The following GPC3 variants were observed in gnomAD, a reference collection of about 807,000 sequenced individuals.
GPC3 encodes glypican 3, also known as glypican-3.
In GPC3, 3 loss-of-function variants were observed where a neutral mutation model predicts 34.4. The ratio of observed to expected loss-of-function variants is 0.09; its 90% CI spans 0.04 to 0.23. GPC3 has a LOEUF of 0.23. Ranked by LOEUF, GPC3 falls within the 10% of genes least tolerant of loss-of-function variation. The pLI is 1.00. For synonymous variants in GPC3, 177 were observed against 174.0 expected (o/e 1.02, Z -0.13); for missense variants, 351 against 445.6 (o/e 0.79, Z 1.91).
At chrX:133,969,252 GAAGAA>G (rs1413407145) in intron 1 of GPC3, among the ~76,000 whole-genome samples, 1 of 110,998 alleles carries the variant, frequency 9.0e-6, no homozygotes, top group Non-Finnish European at 1.9e-5. Flanking sequence ...AAATAATTAA[GAAGAA>G]GAGACTCAAT....
chrX:133,849,018 T>C (rs1305789817), intron 2 of GPC3, among the ~76,000 whole-genome samples: 11 of 107,117 alleles, frequency 1.0e-4, no homozygotes, highest in Non-Finnish European at 2.1e-4. Flanking sequence ...CAAGATAAAA[T>C]ACCGTTTACA....
At chrX:133,737,377 A>G (rs1278743468) in intron 3 of GPC3, among the ~76,000 whole-genome samples, 1 of 112,230 alleles carries the variant, frequency 8.9e-6, no homozygotes, top group Non-Finnish European at 1.9e-5. Context: ...TGATGTGTCA[A>G]TGTAGGTCCA....
At chrX:133,654,711 C>CAAAAAAAAA (rs200711396) in intron 6 of GPC3, among the ~76,000 whole-genome samples, 3 of 95,406 alleles carry the variant, frequency 3.1e-5, no homozygotes, top group African/African-American at 1.5e-4. Context: ...GACTCCGTCT[C>CAAAAAAAAA]AAAAAACAAA....
intron 2 of GPC3, among the ~76,000 whole-genome samples, chrX:133,896,051 A>G (rs974922686): frequency 8.9e-6 from 1 of 111,999 alleles, no homozygotes; most frequent in Non-Finnish European, 1.9e-5. Flanking sequence ...TATTGGATAG[A>G]GGAAACAGCC....
rs148021273 is a variant in GPC3, at chrX:133,754,155, C to T, written c.359G>A (p.Arg120His). ...GGCATTGGTGTAGTTCTTGGCATGG[C>T]GAACAACAATTTCAAAGGCCTCTGT... is the stretch of plus-strand genomic sequence containing the variant. ...VFQEAFEIVV[R>H]HAKNYTNAMF... Residue 120 changes from arginine (R) to histidine (H), a missense_variant, in exon 3 of 8, where the codon CGC becomes CAC. Coordinates refer to ENST00000370818, the MANE Select transcript of GPC3 (RefSeq NM_004484.4). 170 of 1,163,014 alleles carry T rather than the reference C, an allele frequency of 1.5e-4. 1 individual carries two copies. The African/African-American group carries it at 1.5e-3, about 10-fold the overall frequency.
intron 2 of GPC3, among the ~76,000 whole-genome samples, chrX:133,887,220 T>A (rs1052568541): frequency 8.0e-5 from 9 of 112,525 alleles, no homozygotes; most frequent in African/African-American, 2.9e-4. Flanking sequence ...TTGCCCAGGC[T>A]TATCTTCAGT....
chrX:133,869,812 G>A (rs2284124), intron 2 of GPC3, among the ~76,000 whole-genome samples: 26,489 of 110,376 alleles, frequency 0.24, 2,491 homozygotes, highest in African/African-American at 0.3. Flanking sequence ...AAAATTAGCC[G>A]GGCGCGGTGG....
At chrX:133,876,975 A>G (rs990033566) in intron 2 of GPC3, among the ~76,000 whole-genome samples, 2 of 111,821 alleles carry the variant, frequency 1.8e-5, no homozygotes, top group African/African-American at 3.2e-5. Context: ...GACAGAACTA[A>G]TCTTTTCAAT....
intron 3 of GPC3, among the ~76,000 whole-genome samples, chrX:133,741,827 A>C (rs1008659743): frequency 8.8e-6 from 1 of 113,048 alleles, no homozygotes; most frequent in African/African-American, 3.2e-5. Flanking sequence ...TAAGGAACAG[A>C]CACTAAGAAG....
intron 1 of GPC3, among the ~76,000 whole-genome samples, chrX:133,963,962 C>T (rs2076452084): frequency 9.0e-6 from 1 of 111,148 alleles, no homozygotes; most frequent in East Asian, 2.8e-4. Context: ...GAATGGACTC[C>T]TACACTAGGT....
intron 2 of GPC3, among the ~76,000 whole-genome samples, chrX:133,788,086 TTTTATATATA>T (rs1569432747): frequency 5.0e-5 from 2 of 40,053 alleles, no homozygotes; most frequent in African/African-American, 2.3e-4. Flanking sequence ...TATCATATTA[TTTTATATATA>T]TATATATATA....
intron 2 of GPC3, among the ~76,000 whole-genome samples, chrX:133,804,895 T>G (rs2075628468): frequency 9.0e-6 from 1 of 111,711 alleles, no homozygotes; most frequent in Non-Finnish European, 1.9e-5. Flanking sequence ...ATCTGCTCTA[T>G]TCACAAAAAT....
chrX:133,853,995 C>T (rs1406093864), intron 2 of GPC3, among the ~76,000 whole-genome samples: 4 of 112,119 alleles, frequency 3.6e-5, no homozygotes, highest in African/African-American at 6.5e-5. Flanking sequence ...AGCTTTCTTG[C>T]TCTATTTACC....
intron 7 of GPC3, among the ~76,000 whole-genome samples, chrX:133,537,381 G>A (rs1440388786): frequency 1.8e-5 from 2 of 111,669 alleles, no homozygotes; most frequent in East Asian, 2.8e-4. Flanking sequence ...CAGGCACAGA[G>A]GAAATGACTG....
At chrX:133,938,767 T>A (rs1469826352) in intron 2 of GPC3, among the ~76,000 whole-genome samples, 1 of 112,184 alleles carries the variant, frequency 8.9e-6, no homozygotes, top group African/African-American at 3.2e-5. Context: ...TACAAACATA[T>A]GTTTGCACTG....
intron 7 of GPC3, among the ~76,000 whole-genome samples, chrX:133,589,760 C>T (rs1264996686): frequency 9.0e-6 from 1 of 111,586 alleles, no homozygotes; most frequent in Non-Finnish European, 1.9e-5. Context: ...TCTCATATGT[C>T]TTTATCAGCA....
At chrX:133,937,761 A>T (rs1281403260) in intron 2 of GPC3, among the ~76,000 whole-genome samples, 2 of 112,095 alleles carry the variant, frequency 1.8e-5, no homozygotes, top group Non-Finnish European at 3.8e-5. Flanking sequence ...TCAGCAGGAC[A>T]GCAGAAGAGG....
intron 7 of GPC3, among the ~76,000 whole-genome samples, chrX:133,583,246 A>T (rs1435424521): frequency 3.6e-5 from 4 of 111,468 alleles, no homozygotes; most frequent in African/African-American, 9.8e-5. Context: ...ACATCATAAA[A>T]ATTTAGCCCC....
intron 2 of GPC3, among the ~76,000 whole-genome samples, chrX:133,912,868 A>C (rs2124608430): frequency 9.0e-6 from 1 of 111,412 alleles, no homozygotes; most frequent in African/African-American, 3.3e-5. Flanking sequence ...CATAAAAGAT[A>C]GTTTTAATTA....
Sources: gnomAD v4.1 joint callset for allele counts (sites outside exome capture counted in the v4.1 genomes callset) on GRCh38, gnomAD v4.1.1 for gene constraint, MANE v1.5 for transcripts, NCBI Gene and HGNC (gene_info 2026-07-23, HGNC 2026-07-21) for gene names.